Variants in ELMO1 observed in about 807,000 individuals in gnomAD.
ELMO1 encodes the protein engulfment and cell motility 1, also known as engulfment and cell motility protein 1.
A neutral mutation model predicts 98.9 loss-of-function variants in ELMO1; 26 were observed. The ratio of observed to expected loss-of-function variants is 0.26; its 90% CI spans 0.19 to 0.36. The LOEUF (loss-of-function observed/expected upper bound fraction) is 0.36. Among genes scored for constraint, ELMO1 ranks in the 10% least tolerant of loss-of-function variants. ELMO1 has a pLI of 1.00. For missense variants in ELMO1, 627 were observed against 935.2 expected, an observed-to-expected ratio of 0.67 and a Z score of 4.30; for synonymous variants, 346 against 346.0, an observed-to-expected ratio of 1.00 and a Z score of 0.00.
At chr7:37,169,421 C>T (rs965437368) in intron 13 of ELMO1, among the ~76,000 whole-genome samples, 1 of 152,164 alleles carries the variant, frequency 6.6e-6, no homozygotes, top group Non-Finnish European at 1.5e-5. Context: ...AGAAATCACC[C>T]GTCTTCTGCG....
chr7:36,902,933 TTC>T (rs1304451128), intron 16 of ELMO1, among the ~76,000 whole-genome samples: 2 of 152,174 alleles, frequency 1.3e-5, no homozygotes, highest in African/African-American at 2.4e-5. Flanking sequence ...CCCAACAACC[TTC>T]TGACTTCAAC....
chr7:36,974,698 G>A lies in ELMO1; in HGVS notation c.1437+38601C>T, dbSNP rs527271380. On this transcript the variant is annotated intron_variant, in intron 16 of 21. Transcript: ENST00000310758. ...CTGCCCGAGCCAGCAGTGGCAACCCGCTCGGGTCCCCTTCCACACTGGGGA... is the reference window on the plus strand; with the variant it reads ...CTGCCCGAGCCAGCAGTGGCAACCCACTCGGGTCCCCTTCCACACTGGGGA... 8.5e-5 allele frequency among the ~76,000 whole-genome samples: 13 copies of A among 152,294 alleles called. No homozygotes were observed. The East Asian group carries it at 2.1e-3, about 25-fold the overall frequency.
chr7:37,246,165 A>C (rs1484362063), intron 6 of ELMO1, among the ~76,000 whole-genome samples: 2 of 152,230 alleles, frequency 1.3e-5, no homozygotes, highest in African/African-American at 4.8e-5. Flanking sequence ...GGAGATAAAC[A>C]TGTAGGTGAA....
chr7:36,963,362 G>C (rs951628564), intron 16 of ELMO1, among the ~76,000 whole-genome samples: 1 of 151,074 alleles, frequency 6.6e-6, no homozygotes, highest in Admixed American at 6.6e-5. Context: ...TGGTGACAGT[G>C]CAAGACTCCA....
Position 37,207,559 on chromosome 7 carries a change from G to C in ELMO1, c.1086+3827C>G, listed in dbSNP as rs541472344. Among the ~76,000 whole-genome samples the C allele has an allele frequency of 9.9e-5, 15 of 152,134 alleles. No individual in the cohort carries two copies. The East Asian group carries it at 2.9e-3, about 29-fold the overall frequency. Reference sequence around the variant, plus strand: ...GAGCGAGACTCTGTCTCAAAAAAAAGAATAGCATTATCCCAGACAACTCTG... The same window carrying C: ...GAGCGAGACTCTGTCTCAAAAAAAACAATAGCATTATCCCAGACAACTCTG... On this transcript the variant is annotated intron_variant, in intron 13 of 21. Transcript: ENST00000310758.
chr7:37,238,555 A>G (rs1265005179), intron 7 of ELMO1, among the ~76,000 whole-genome samples: 1 of 152,134 alleles, frequency 6.6e-6, no homozygotes, highest in East Asian at 1.9e-4. Flanking sequence ...TTCTTTATTG[A>G]CTTACTGCAA....
chr7:37,170,498 T>C (rs915157665), intron 13 of ELMO1, among the ~76,000 whole-genome samples: 1 of 152,198 alleles, frequency 6.6e-6, no homozygotes, highest in Non-Finnish European at 1.5e-5. Context: ...TGTGTTAACA[T>C]GACAAAATTG....
chr7:37,231,782 G>A (rs777416833), intron 8 of ELMO1, among the ~76,000 whole-genome samples: 15 of 152,060 alleles, frequency 9.9e-5, no homozygotes, highest in Non-Finnish European at 1.9e-4. Flanking sequence ...TTTGATAACC[G>A]TACTGTCATT....
intron 7 of ELMO1, among the ~76,000 whole-genome samples, chr7:37,238,364 G>T (rs1249469456): frequency 2.6e-4 from 40 of 152,026 alleles, no homozygotes. Context: ...TTTTCCAATG[G>T]TTGCTGTTAA....
chr7:37,171,432 G>C (rs1336543410), intron 13 of ELMO1, among the ~76,000 whole-genome samples: 1 of 143,402 alleles, frequency 7.0e-6, no homozygotes, highest in Non-Finnish European at 1.5e-5. Context: ...AGGTAAACTT[G>C]CTATTAGCTA....
At chr7:36,968,708 TTC>T (rs902226436) in intron 16 of ELMO1, among the ~76,000 whole-genome samples, 8 of 152,348 alleles carry the variant, frequency 5.3e-5, no homozygotes, top group African/African-American at 1.9e-4. Flanking sequence ...ACAGAAATAG[TTC>T]TTAGATTCAT....
intron 1 of ELMO1, among the ~76,000 whole-genome samples, chr7:37,381,271 C>G (rs556714622): frequency 2.0e-5 from 3 of 152,208 alleles, no homozygotes; most frequent in African/African-American, 4.8e-5. Context: ...ACTTCACAGT[C>G]CGTGTCATTC....
intron 13 of ELMO1, among the ~76,000 whole-genome samples, chr7:37,154,245 A>G (rs540412098): frequency 6.6e-6 from 1 of 152,332 alleles, no homozygotes; most frequent in Admixed American, 6.5e-5. Context: ...CAAAAACCAG[A>G]GCACCTCTTC....
chr7:37,142,244 G>C (rs187500140), intron 13 of ELMO1, among the ~76,000 whole-genome samples: 1 of 152,290 alleles, frequency 6.6e-6, no homozygotes, highest in African/African-American at 2.4e-5. Context: ...AATGTTTTTA[G>C]TTATTTAGTA....
At chr7:36,909,228 A>C (rs1401107196) in intron 16 of ELMO1, among the ~76,000 whole-genome samples, 1 of 152,232 alleles carries the variant, frequency 6.6e-6, no homozygotes, top group Non-Finnish European at 1.5e-5. Context: ...TTGAGTAGTA[A>C]GTAAGCACTC....
At chr7:37,341,847 T>C (rs1034131088) in intron 2 of ELMO1, among the ~76,000 whole-genome samples, 1 of 152,218 alleles carries the variant, frequency 6.6e-6, no homozygotes, top group East Asian at 1.9e-4. Flanking sequence ...AAGTATATAA[T>C]AGGTCTCAAC....
At chr7:37,120,322 AGAG>A (rs1327141658) in intron 14 of ELMO1, among the ~76,000 whole-genome samples, 1 of 152,240 alleles carries the variant, frequency 6.6e-6, no homozygotes, top group Admixed American at 6.5e-5. Flanking sequence ...CGAAGCAGGG[AGAG>A]GCGTTGCCTC....
Position 37,144,274 on chromosome 7 carries a change from G to A in ELMO1, c.1087-11040C>T, listed in dbSNP as rs992485146. 7.2e-5 allele frequency among the ~76,000 whole-genome samples: 11 copies of A among 151,742 alleles called. No homozygotes were observed. The South Asian group carries it at 1.5e-3, about 20-fold the overall frequency. On this transcript the variant is annotated intron_variant, in intron 13 of 21. Coordinates refer to ENST00000310758, the MANE Select transcript of ELMO1 (RefSeq NM_014800.11). ...TCTCTCTCTCTCTCTCTCACTCCAC[G>A]TATCATTTTCTCAGCTTTCCTTTTT... is the stretch of plus-strand genomic sequence containing the variant.
intron 13 of ELMO1, among the ~76,000 whole-genome samples, chr7:37,177,360 G>T (rs192191297): frequency 6.6e-6 from 1 of 152,270 alleles, no homozygotes; most frequent in Admixed American, 6.5e-5. Flanking sequence ...CAAAGAAGTG[G>T]CATGGGAATA....
Sources: gnomAD v4.1 joint callset for allele counts (sites outside exome capture counted in the v4.1 genomes callset) on GRCh38, gnomAD v4.1.1 for gene constraint, MANE v1.5 for transcripts, NCBI Gene and HGNC (gene_info 2026-07-23, HGNC 2026-07-21) for gene names.